Variants in ZNF565 observed in about 807,000 individuals in gnomAD.
ZNF565 encodes the protein zinc finger protein 565.
ZNF565 carries 27 observed loss-of-function variants against 39.4 expected under a neutral mutation model. The ratio of observed to expected loss-of-function variants is 0.69; its 90% CI spans 0.51 to 0.95. ZNF565 has a LOEUF of 0.95. ZNF565 is among the 40% of genes least tolerant of loss of function. ZNF565 has a pLI of 0.00. For missense variants in ZNF565, 524 were observed against 621.1 expected, an observed-to-expected ratio of 0.84 and a Z score of 1.66; for synonymous variants, 185 against 216.6, an observed-to-expected ratio of 0.85 and a Z score of 1.28.
Position 36,194,770 on chromosome 19 carries a change from GCAT to G in ZNF565, c.136+257_136+259del. On this transcript the variant is annotated intron_variant, in intron 3 of 4. Transcript: ENST00000304116. Reference sequence around the variant, plus strand: ...TCTCATTGGCTTTGGCAGACAGAAAGCATCAGCTGGAGATCAGTGGACAGGAGG... The same window carrying G: ...TCTCATTGGCTTTGGCAGACAGAAAGCAGCTGGAGATCAGTGGACAGGAGG... The G allele has an allele frequency of 1.7e-5, 10 of 576,348 alleles. No individual in the cohort carries two copies. The South Asian group carries it at 1.9e-4, about 11-fold the overall frequency. 35.7% of individuals were successfully genotyped at this position (576,348 alleles called of 1,614,324 possible). A position where few individuals can be genotyped will look rare whatever the true frequency, so the allele number is the denominator to read the frequency against.
In ZNF565 at chr19:36,183,246, T is replaced by A; in HGVS notation, c.720A>T (p.Leu240=). The change falls in exon 5 of 5, where the codon CTA becomes CTT. Residue 240 remains leucine, a synonymous_variant. Transcript: ENST00000304116. ...TGACACCAGTATGAAGTCTCTGATG[T>A]AGAATAAGTTCTGATGTACGACCAA... ...KAFGRTSELI[L]HQRLHTGVKP... 1 of 1,614,138 alleles carries A rather than the reference T, an allele frequency of 6.2e-7. No homozygotes were observed. The highest frequency in any genetic ancestry group is 8.5e-7 in the Non-Finnish European group (1 of 1,180,032).
At position 36,194,323 on chromosome 19, in the gene ZNF565, A is replaced by T. The variant is rs1171582918; in HGVS notation, c.142T>A (p.Ser48Thr). 3 of 1,609,556 alleles carry T rather than the reference A, an allele frequency of 1.9e-6. No individual in the cohort carries two copies. The Admixed American group carries it at 5.1e-5, about 27-fold the overall frequency. The change falls in exon 4 of 5, where the codon TCC becomes ACC. Residue 48 changes from serine (S) to threonine (T), a missense_variant. Physicochemically the swap from Ser to Thr is moderately conservative, Grantham distance 58 (BLOSUM62 1). Transcript: ENST00000304116. ...NFGHLASLGL[S>T]ISKPDVVSLL... is the part of the protein sequence containing the mutation. ...GAGACGACATCAGGCTTAGAAATGGAGAGTCCTGTTTACAGGAAAAGAAAT... is the reference window on the plus strand; with the variant it reads ...GAGACGACATCAGGCTTAGAAATGGTGAGTCCTGTTTACAGGAAAAGAAAT...
At chr19:36,227,832 G>A (rs1346055851) in intron 1 of ZNF565, among the ~76,000 whole-genome samples, 1 of 152,184 alleles carries the variant, frequency 6.6e-6, no homozygotes, top group Admixed American at 6.5e-5. Context: ...TGGGATTATA[G>A]GTGTGAGCCA....
intron 1 of ZNF565, among the ~76,000 whole-genome samples, chr19:36,222,316 A>ATTC (rs1180208448): frequency 6.6e-6 from 1 of 152,184 alleles, no homozygotes; most frequent in Non-Finnish European, 1.5e-5. Context: ...ACCATGGTTG[A>ATTC]TTCAGTTAAT....
At chr19:36,184,092 A>AAAC (rs1975199144) in intron 4 of ZNF565, among the ~76,000 whole-genome samples, 1 of 149,606 alleles carries the variant, frequency 6.7e-6, no homozygotes, top group African/African-American at 2.4e-5. Flanking sequence ...AAAAAAAAAA[A>AAAC]AAAAAAAAAA....
At chr19:36,244,440 C>T (rs1296802994) in intron 1 of ZNF565, among the ~76,000 whole-genome samples, 1 of 152,110 alleles carries the variant, frequency 6.6e-6, no homozygotes. Context: ...CCCAGCTACT[C>T]AGGAGACTGA....
In ZNF565 at chr19:36,236,656, C is replaced by T. The variant is rs774374838; in HGVS notation, c.55+8820G>A. ...ACACCCATACTGGCGAGAAGCTTTT[C>T]GAATGTAATGAATGTGGAAAATCAT... On this transcript the variant is annotated intron_variant, in intron 1 of 4. Transcript: ENST00000355114. 4.3e-6 allele frequency: 7 copies of T among 1,614,010 alleles called. No homozygotes were observed. The South Asian group carries it at 5.5e-5, about 13-fold the overall frequency.
At chr19:36,238,816 G>T in intron 1 of ZNF565, 1 of 165,682 alleles carries the variant, frequency 6.0e-6, no homozygotes. Context: ...ACTATATCGG[G>T]GTCCCCAGCT....
In ZNF565 at chr19:36,245,547, T is replaced by G; in HGVS notation, c.-17A>C. ...ACGGCGCATTTAGGTGGTGGCTTGC[T>G]CTGGACTACATTTCCCAGGGTCCAC... On this transcript the variant is annotated 5_prime_UTR_variant, in exon 1 of 5. Coordinates refer to the ZNF565 transcript ENST00000355114. This position sits in a 1 kb window ranked among gnomAD's most constrained non-coding sequence, Gnocchi z 4.4. 1 of 702,198 alleles carries G rather than the reference T, an allele frequency of 1.4e-6. No individual in the cohort carries two copies. The highest frequency in any genetic ancestry group is 2.6e-6 in the Non-Finnish European group (1 of 384,778). 43.5% of individuals were successfully genotyped at this position (702,198 alleles called of 1,614,324 possible).
intron 1 of ZNF565, among the ~76,000 whole-genome samples, chr19:36,223,337 C>G (rs572415973): frequency 7.1e-6 from 1 of 140,132 alleles, no homozygotes; most frequent in East Asian, 2.0e-4. Context: ...AGTGAGACTC[C>G]GTCTCAAAAA....
At chr19:36,183,852 T>C in intron 4 of ZNF565, 119 bp from the exon 5 acceptor site, 2 of 844,368 alleles carry the variant, frequency 2.4e-6, no homozygotes, top group South Asian at 3.6e-5. Context: ...TTTGGGAGGC[T>C]GAGGCGGGTG....
At chr19:36,230,482 A>G (rs2145439706) in intron 1 of ZNF565, among the ~76,000 whole-genome samples, 1 of 152,236 alleles carries the variant, frequency 6.6e-6, no homozygotes, top group African/African-American at 2.4e-5. Flanking sequence ...AGAGAGGGCT[A>G]GTTGGGGTTG....
intron 4 of ZNF565, among the ~76,000 whole-genome samples, chr19:36,187,149 T>C (rs1448994228): frequency 6.6e-6 from 1 of 151,370 alleles, no homozygotes; most frequent in Admixed American, 6.6e-5. Flanking sequence ...AATATCGTGC[T>C]ATTACACTCC....
intron 1 of ZNF565, chr19:36,236,454 G>A: frequency 6.2e-7 from 1 of 1,604,130 alleles, no homozygotes; most frequent in Non-Finnish European, 8.5e-7. Context: ...TCACACCTCA[G>A]CCAGCAGAGA....
At chr19:36,216,008 G>C (rs182862232), upstream of ZNF565, among the ~76,000 whole-genome samples, 291 of 152,240 alleles carry the variant, frequency 1.9e-3, no homozygotes, top group Non-Finnish European at 3.7e-3. Flanking sequence ...TGCTACTGAC[G>C]TCTCCAAAGA....
At chr19:36,193,441 CT>C (rs918390781) in intron 4 of ZNF565, among the ~76,000 whole-genome samples, 340 of 131,796 alleles carry the variant, frequency 2.6e-3, no homozygotes, top group African/African-American at 3.3e-3. Flanking sequence ...TTTCTTTTTT[CT>C]TTTTTTTTTT....
chr19:36,213,603 C>T (rs1291173843), intron 1 of ZNF565, among the ~76,000 whole-genome samples: 2 of 152,006 alleles, frequency 1.3e-5, no homozygotes, highest in South Asian at 4.1e-4. Context: ...CCAGGCTGGT[C>T]TAGAACTCCT....
intron 2 of ZNF565, among the ~76,000 whole-genome samples, chr19:36,200,174 C>A (rs1194678830): frequency 6.6e-6 from 1 of 151,068 alleles, no homozygotes; most frequent in South Asian, 2.1e-4. Context: ...TATAGACATG[C>A]GCCATCATGC....
intron 1 of ZNF565, among the ~76,000 whole-genome samples, chr19:36,233,806 G>T (rs920847157): frequency 6.6e-6 from 1 of 152,148 alleles, no homozygotes; most frequent in Non-Finnish European, 1.5e-5. Flanking sequence ...AGCTTTACAC[G>T]GAGACATTCC....
Sources: gnomAD v4.1 joint callset for allele counts (sites outside exome capture counted in the v4.1 genomes callset) on GRCh38, gnomAD v4.1.1 for gene constraint, Gnocchi (gnomAD v3.1) non-coding constraint, MANE v1.5 for transcripts, NCBI Gene and HGNC (gene_info 2026-07-23, HGNC 2026-07-21) for gene names.